OR4K2: variants seen among roughly 807,000 people sequenced by gnomAD.
OR4K2 encodes olfactory receptor family 4 subfamily K member 2.
Under a neutral mutation model 10.5 loss-of-function variants are expected in OR4K2, and 8 were observed. That is an observed-to-expected ratio of 0.76 (90% CI 0.45 to 1.37). OR4K2 has a LOEUF of 1.37. Ranked by LOEUF, OR4K2 falls within the 40% of genes most tolerant of loss-of-function variation. The pLI, the probability that OR4K2 is intolerant of heterozygous loss-of-function variation, is 0.00. For synonymous variants in OR4K2, 178 were observed against 133.6 expected, an observed-to-expected ratio of 1.33 and a Z score of -2.29; for missense variants, 547 against 379.5, an observed-to-expected ratio of 1.44 and a Z score of -3.67.
Position 19,876,256 on chromosome 14 carries a change from T to C in OR4K2, c.-12T>C, listed in dbSNP as rs771348312. ...TTTTCGTGATACAGGCTTCTGCCTA[T>C]GAATCAAGACAATGGATGTGGGCAA... On this transcript the variant is annotated 5_prime_UTR_variant, in exon 2 of 2. An upstream start codon of the reference 5' UTR is lost. Coordinates refer to ENST00000641885, the MANE Select transcript of OR4K2 (RefSeq NM_001005501.2). 1.9e-5 allele frequency: 24 copies of C among 1,238,810 alleles called. No homozygotes were observed. Among genetic ancestry groups the C allele is most frequent in the African/African-American group, 3.1e-5 (2 of 64,248 alleles). 76.7% of individuals were successfully genotyped at this position (1,238,810 alleles called of 1,614,324 possible).
rs1880936776 is a variant in OR4K2, at chr14:19,877,377, A to G, written c.*165A>G. 1.7e-6 allele frequency: 1 copy of G among 572,192 alleles called. No homozygotes were observed. Among genetic ancestry groups the G allele is most frequent in the Admixed American group, 3.5e-5 (1 of 28,348 alleles). The allele number at this position is 572,192 out of a possible 1,614,324, so 35.4% of individuals were successfully genotyped here. A position where few individuals can be genotyped will look rare whatever the true frequency, so the allele number is the denominator to read the frequency against. On this transcript the variant is annotated 3_prime_UTR_variant, in exon 2 of 2. Transcript: ENST00000641885. ...GTTCAAAATACATTTGAAATTTCAGAAAAGCAAGTTAAAAGAAATAAAGAC... is the reference window on the plus strand; with the variant it reads ...GTTCAAAATACATTTGAAATTTCAGGAAAGCAAGTTAAAAGAAATAAAGAC...
Position 19,877,367 on chromosome 14 carries a change from G to A in OR4K2, c.*155G>A, listed in dbSNP as rs1199344382. The stretch of plus-strand genomic sequence containing the variant: ...ATGTGAATGTGTTCAAAATACATTT[G>A]AAATTTCAGAAAAGCAAGTTAAAAG... On this transcript the variant is annotated 3_prime_UTR_variant, in exon 2 of 2. Coordinates refer to ENST00000641885, the MANE Select transcript of OR4K2 (RefSeq NM_001005501.2). The A allele has an allele frequency of 5.2e-6, 3 of 578,596 alleles. No homozygotes were observed. The highest frequency in any genetic ancestry group is 1.9e-5 in the African/African-American group (1 of 52,314). The allele number at this position is 578,596 out of a possible 1,614,324, so 35.8% of individuals were successfully genotyped here. A position where few individuals can be genotyped will look rare whatever the true frequency, so the allele number is the denominator to read the frequency against.
chr14:19,876,706 G>A lies in OR4K2; in HGVS notation c.439G>A (p.Ala147Thr), dbSNP rs1260380874. The A allele has an allele frequency of 1.9e-6, 3 of 1,614,084 alleles. No individual in the cohort carries two copies. Among genetic ancestry groups the A allele is most frequent in the Non-Finnish European group, 2.5e-6 (3 of 1,179,968 alleles). Residue 147 changes from alanine (A) to threonine (T), a missense_variant, in exon 2 of 2, where the codon GCT becomes ACT. Physicochemically the swap from Ala to Thr is moderately conservative, Grantham distance 58. Coordinates refer to ENST00000641885, the MANE Select transcript of OR4K2 (RefSeq NM_001005501.2). ...SPQVCVALVV[A>T]SWIMGVMHSM... Reference sequence around the variant, plus strand: ...CCAGGTGTGTGTTGCTCTCGTGGTGGCTTCCTGGATTATGGGAGTTATGCA... The same window carrying A: ...CCAGGTGTGTGTTGCTCTCGTGGTGACTTCCTGGATTATGGGAGTTATGCA...
rs997469502 is a variant in OR4K2 at position 19,883,251 on chromosome 14, A to C, written c.*6039A>C. 1 of 152,374 alleles carries C rather than the reference A, an allele frequency of 6.6e-6. No individual in the cohort carries two copies. The highest frequency in any genetic ancestry group is 1.9e-4 in the East Asian group (1 of 5,196). 9.4% of individuals were successfully genotyped at this position (152,374 alleles called of 1,614,324 possible). On this transcript the variant is annotated 3_prime_UTR_variant, in exon 2 of 2. Transcript: ENST00000641885. ...CCAAAAGATCTTGATGTCTTGCTTT[A>C]TCTCTTTGGGAATGATAGTGCTGTT... is the stretch of plus-strand genomic sequence containing the variant.
rs2138537024 is a variant in OR4K2 at position 19,883,283 on chromosome 14, G to A, written c.*6071G>A. 6.6e-6 allele frequency: 1 copy of A among 152,408 alleles called. No individual in the cohort carries two copies. Among genetic ancestry groups the A allele is most frequent in the Middle Eastern group, 3.4e-3 (1 of 294 alleles). 9.4% of individuals were successfully genotyped at this position (152,408 alleles called of 1,614,324 possible). A position where few individuals can be genotyped will look rare whatever the true frequency, so the allele number is the denominator to read the frequency against. ...TGGGAATGATAGTGCTGTTGTTGCT[G>A]TAGTAGTTGATATCTCTAACCATTT... On this transcript the variant is annotated 3_prime_UTR_variant, in exon 2 of 2. Transcript: ENST00000641885.
rs915171111 is a variant in OR4K2 at position 19,879,868 on chromosome 14, G to A, written c.*2656G>A. On this transcript the variant is annotated 3_prime_UTR_variant, in exon 2 of 2. Coordinates refer to ENST00000641885, the MANE Select transcript of OR4K2 (RefSeq NM_001005501.2). The stretch of plus-strand genomic sequence containing the variant: ...TGCATGGATTTCCTCGAAGGCCCTA[G>A]AATGGAAACTAACAACCTTTTATTA... The A allele has an allele frequency of 2.0e-5, 3 of 152,302 alleles. No homozygotes were observed. The highest frequency in any genetic ancestry group is 7.2e-5 in the African/African-American group (3 of 41,466). The allele number at this position is 152,302 out of a possible 1,614,324, so 9.4% of individuals were successfully genotyped here. A position where few individuals can be genotyped will look rare whatever the true frequency, so the allele number is the denominator to read the frequency against.
In OR4K2 at chr14:19,876,382, A is replaced by AT. The variant is rs1401571013; in HGVS notation, c.116dup (p.Met39IlefsTer4). On this transcript the variant is annotated frameshift_variant, in exon 2 of 2. Coordinates refer to ENST00000641885, the MANE Select transcript of OR4K2 (RefSeq NM_001005501.2). LOFTEE classifies it high-confidence loss of function. ...GTTTTCATTGCTTTATGTGGCAACA[A>AT]TGGTGGGTAACAGCCTCATAGTCAT... is the stretch of plus-strand genomic sequence containing the variant. 6.2e-7 allele frequency: 1 copy of AT among 1,613,998 alleles called. No individual in the cohort carries two copies. The highest frequency in any genetic ancestry group is 8.5e-7 in the Non-Finnish European group (1 of 1,179,956).
rs1555331755 is a variant in OR4K2 at position 19,876,315 on chromosome 14, GCTCT to G, written c.51_54del (p.Ser18IlefsTer27). 3 of 1,612,854 alleles carry G rather than the reference GCTCT, an allele frequency of 1.9e-6. No homozygotes were observed. The highest frequency in any genetic ancestry group is 1.1e-5 in the South Asian group (1 of 91,044). The stretch of plus-strand genomic sequence containing the variant: ...CCATGTCTGAATTTGTTTTGCTGGG[GCTCT>G]CTAATTCCTGGGAACTACAGATGTT... On this transcript the variant is annotated frameshift_variant, in exon 2 of 2. Coordinates refer to ENST00000641885, the MANE Select transcript of OR4K2 (RefSeq NM_001005501.2). LOFTEE classifies it high-confidence loss of function.
chr14:19,879,546 A>G lies in OR4K2; in HGVS notation c.*2334A>G, dbSNP rs1324126625. On this transcript the variant is annotated 3_prime_UTR_variant, in exon 2 of 2. Coordinates refer to ENST00000641885, the MANE Select transcript of OR4K2 (RefSeq NM_001005501.2). ...AACACAACTGAGGGAGTTCTGGAGC[A>G]TTTATAAGAAGAGTGTGTTGACAAG... 1.3e-5 allele frequency: 2 copies of G among 152,284 alleles called. No homozygotes were observed. The highest frequency in any genetic ancestry group is 2.9e-5 in the Non-Finnish European group (2 of 68,050). The allele number at this position is 152,284 out of a possible 1,614,324, so 9.4% of individuals were successfully genotyped here. A position where few individuals can be genotyped will look rare whatever the true frequency, so the allele number is the denominator to read the frequency against.
chr14:19,877,304 G>T lies in OR4K2; in HGVS notation c.*92G>T. ...AATTGTAATTGCCAAGAATTTGTGAGGGCTCAAGTTCAGTGCATTTTGAAA... is the reference window on the plus strand; with the variant it reads ...AATTGTAATTGCCAAGAATTTGTGATGGCTCAAGTTCAGTGCATTTTGAAA... On this transcript the variant is annotated 3_prime_UTR_variant, in exon 2 of 2. Coordinates refer to ENST00000641885, the MANE Select transcript of OR4K2 (RefSeq NM_001005501.2). 1 of 878,074 alleles carries T rather than the reference G, an allele frequency of 1.1e-6. No individual in the cohort carries two copies. The highest frequency in any genetic ancestry group is 1.7e-6 in the Non-Finnish European group (1 of 581,432). The allele number at this position is 878,074 out of a possible 1,614,324, so 54.4% of individuals were successfully genotyped here.
In OR4K2 at chr14:19,881,602, G is replaced by A. The variant is rs1438460636; in HGVS notation, c.*4390G>A. 4 of 151,940 alleles carry A rather than the reference G, an allele frequency of 2.6e-5. No homozygotes were observed. Among genetic ancestry groups the A allele is most frequent in the Non-Finnish European group, 4.4e-5 (3 of 68,008 alleles). The allele number at this position is 151,940 out of a possible 1,614,324, so 9.4% of individuals were successfully genotyped here. On this transcript the variant is annotated 3_prime_UTR_variant, in exon 2 of 2. Coordinates refer to ENST00000641885, the MANE Select transcript of OR4K2 (RefSeq NM_001005501.2). ...ATTTACACTGCCAATATAAGGAGATGAATACCTATTTTTTAAATTAAAAAA... is the reference window on the plus strand; with the variant it reads ...ATTTACACTGCCAATATAAGGAGATAAATACCTATTTTTTAAATTAAAAAA...
chr14:19,883,360 G>A lies in OR4K2; in HGVS notation c.*6148G>A, dbSNP rs911246311. ...ATATTCCTCAGGAAGTCTTCTTGAA[G>A]ACCCTATTCTCTGAATTCTGGCGTG... On this transcript the variant is annotated 3_prime_UTR_variant, in exon 2 of 2. Coordinates refer to ENST00000641885, the MANE Select transcript of OR4K2 (RefSeq NM_001005501.2). 1 of 152,242 alleles carries A rather than the reference G, an allele frequency of 6.6e-6. No homozygotes were observed. The highest frequency in any genetic ancestry group is 2.4e-5 in the African/African-American group (1 of 41,452). 9.4% of individuals were successfully genotyped at this position (152,242 alleles called of 1,614,324 possible). A position where few individuals can be genotyped will look rare whatever the true frequency, so the allele number is the denominator to read the frequency against.
At position 19,877,164 on chromosome 14, in the gene OR4K2, G is replaced by A. The variant is rs1291478184; in HGVS notation, c.897G>A (p.Arg299=). The change falls in exon 2 of 2, where the codon AGG becomes AGA. Residue 299 remains arginine (R), a synonymous_variant. Transcript: ENST00000641885. ...ATCAAGAAGTAAAGATAGCCATGAG[G>A]AAACTGAAAAATAGGTTTCTAAATT... ...LRNQEVKIAM[R]KLKNRFLNFN... is the part of the protein sequence containing the mutation. 7 of 1,598,470 alleles carry A rather than the reference G, an allele frequency of 4.4e-6. No homozygotes were observed. The highest frequency in any genetic ancestry group is 5.9e-6 in the Non-Finnish European group (7 of 1,178,744).
chr14:19,877,023 G>A lies in OR4K2; in HGVS notation c.756G>A (p.Gly252=), dbSNP rs1880924285. 1.2e-6 allele frequency: 2 copies of A among 1,613,552 alleles called. No homozygotes were observed. The highest frequency in any genetic ancestry group is 8.5e-7 in the Non-Finnish European group (1 of 1,179,976). The stretch of plus-strand genomic sequence containing the variant: ...TCATTGTTGTCTTCTTGTTCTTTGG[G>A]CCATGCATCTTCATCTACATGTGGC... ...AHFIVVFLFF[G]PCIFIYMWPL... is the part of the protein sequence containing the mutation. Residue 252 remains glycine, a synonymous_variant, in exon 2 of 2, where the codon GGG becomes GGA. Transcript: ENST00000641885.
Position 19,876,423 on chromosome 14 carries a change from C to A in OR4K2, c.156C>A (p.Asp52Glu), listed in dbSNP as rs772855126. ...NSLIVITVIV[D>E]PHLHSPMYFL... Reference sequence around the variant, plus strand: ...TCATAGTCATCACAGTTATAGTGGACCCTCACCTACACTCTCCTATGTATT... The same window carrying A: ...TCATAGTCATCACAGTTATAGTGGAACCTCACCTACACTCTCCTATGTATT... Residue 52 changes from aspartate (D) to glutamate (E), a missense_variant, in exon 2 of 2, where the codon GAC becomes GAA. Asp to Glu is a conservative substitution (Grantham distance 45). Coordinates refer to ENST00000641885, the MANE Select transcript of OR4K2 (RefSeq NM_001005501.2). 6.2e-7 allele frequency: 1 copy of A among 1,614,024 alleles called. No homozygotes were observed. Among genetic ancestry groups the A allele is most frequent in the Non-Finnish European group, 8.5e-7 (1 of 1,179,960 alleles).
At position 19,882,492 on chromosome 14, in the gene OR4K2, A is replaced by AAGCAAGG. The variant is rs1193974955; in HGVS notation, c.*5280_*5281insAGCAAGG. ...CAGTGTAAAAGCAAGGTAAAGAAAA[A>AAGCAAGG]TACACAAACATGTTTAGCTTAATGA... is the stretch of plus-strand genomic sequence containing the variant. On this transcript the variant is annotated 3_prime_UTR_variant, in exon 2 of 2. Coordinates refer to ENST00000641885, the MANE Select transcript of OR4K2 (RefSeq NM_001005501.2). 2 of 152,272 alleles carry AAGCAAGG rather than the reference A, an allele frequency of 1.3e-5. No individual in the cohort carries two copies. The highest frequency in any genetic ancestry group is 2.9e-5 in the Non-Finnish European group (2 of 68,050). The allele number at this position is 152,272 out of a possible 1,614,324, so 9.4% of individuals were successfully genotyped here.
chr14:19,877,022 G>A lies in OR4K2; in HGVS notation c.755G>A (p.Gly252Glu), dbSNP rs561629297. 6.2e-7 allele frequency: 1 copy of A among 1,613,508 alleles called. No homozygotes were observed. The highest frequency in any genetic ancestry group is 2.2e-5 in the East Asian group (1 of 44,866). ...AHFIVVFLFF[G>E]PCIFIYMWPL... ...TTCATTGTTGTCTTCTTGTTCTTTG[G>A]GCCATGCATCTTCATCTACATGTGG... The change falls in exon 2 of 2, where the codon GGG becomes GAG. Residue 252 changes from glycine (G) to glutamate (E), a missense_variant. Gly to Glu is a moderately conservative substitution (Grantham distance 98). Coordinates refer to ENST00000641885, the MANE Select transcript of OR4K2 (RefSeq NM_001005501.2).
Position 19,877,253 on chromosome 14 carries a change from C to G in OR4K2, c.*41C>G. On this transcript the variant is annotated 3_prime_UTR_variant, in exon 2 of 2. Transcript: ENST00000641885. ...ACATTAGACACAATGCTGTGTTAGG[C>G]TTTTCTTTCTAGAGGGTTCTTACCA... The G allele has an allele frequency of 1.5e-6, 2 of 1,363,422 alleles. No individual in the cohort carries two copies. Among genetic ancestry groups the G allele is most frequent in the Non-Finnish European group, 1.0e-6 (1 of 997,896 alleles). The allele number at this position is 1,363,422 out of a possible 1,614,324, so 84.5% of individuals were successfully genotyped here.
Position 19,878,583 on chromosome 14 carries a change from C to T in OR4K2, c.*1371C>T, listed in dbSNP as rs1475394331. Reference sequence around the variant, plus strand: ...AAGTTATAAAAGGAATTTATTTTTTCTTCATCAGTTTGTGTTTTATTTCTT... The same window carrying T: ...AAGTTATAAAAGGAATTTATTTTTTTTTCATCAGTTTGTGTTTTATTTCTT... On this transcript the variant is annotated 3_prime_UTR_variant, in exon 2 of 2. Transcript: ENST00000641885. 1 of 152,140 alleles carries T rather than the reference C, an allele frequency of 6.6e-6. No individual in the cohort carries two copies. Among genetic ancestry groups the T allele is most frequent in the Admixed American group, 6.5e-5 (1 of 15,276 alleles). 9.4% of individuals were successfully genotyped at this position (152,140 alleles called of 1,614,324 possible). A position where few individuals can be genotyped will look rare whatever the true frequency, so the allele number is the denominator to read the frequency against.
Sources: gnomAD v4.1 joint callset for allele counts on GRCh38, gnomAD v4.1.1 for gene constraint, MANE v1.5 for transcripts, NCBI Gene and HGNC (gene_info 2026-07-23, HGNC 2026-07-21) for gene names.